The following NRG3 variants were observed in gnomAD, a reference collection of about 807,000 sequenced individuals.
NRG3 encodes neuregulin 3.
In NRG3, 31 loss-of-function variants were observed where a neutral mutation model predicts 66.9. The observed-to-expected ratio is 0.46, with a 90% confidence interval of 0.35 to 0.63. NRG3 has a LOEUF of 0.63. Ranked by LOEUF, NRG3 falls within the 20% of genes least tolerant of loss-of-function variation. The pLI is 0.00. For synonymous variants in NRG3, 393 were observed against 359.4 expected (o/e 1.09, Z -1.06); for missense variants, 910 against 878.9 (o/e 1.04, Z -0.45).
chr10:82,966,715 C>T (rs1851241615), intron 6 of NRG3, among the ~76,000 whole-genome samples: 1 of 152,128 alleles, frequency 6.6e-6, no homozygotes, highest in African/African-American at 2.4e-5. Flanking sequence ...GGGGTTGTCT[C>T]TTCTCTCCCA....
At chr10:82,273,277 C>A (rs2078691140) in intron 1 of NRG3, among the ~76,000 whole-genome samples, 1 of 151,938 alleles carries the variant, frequency 6.6e-6, no homozygotes, top group Non-Finnish European at 1.5e-5. Flanking sequence ...TCACATTGAG[C>A]ACATTCGCTG....
intron 2 of NRG3, among the ~76,000 whole-genome samples, chr10:82,380,663 A>G (rs946494981): frequency 1.3e-5 from 2 of 152,194 alleles, no homozygotes; most frequent in African/African-American, 4.8e-5. Flanking sequence ...AATTATCTTC[A>G]TATACCTATT....
At chr10:81,980,284 C>T (rs1335058357) in intron 1 of NRG3, among the ~76,000 whole-genome samples, 1 of 151,770 alleles carries the variant, frequency 6.6e-6, no homozygotes, top group East Asian at 1.9e-4. Flanking sequence ...TTTATTCTGC[C>T]AATTATTACA....
chr10:82,376,734 T>A (rs1170353346), intron 2 of NRG3, among the ~76,000 whole-genome samples: 1 of 152,180 alleles, frequency 6.6e-6, no homozygotes, highest in African/African-American at 2.4e-5. Flanking sequence ...CATACCCATG[T>A]TTAGTAAGGT....
In NRG3 at chr10:82,957,760, T is replaced by C. The variant is rs140480947; in HGVS notation, c.1158-1189T>C. ...CTCAAATCAGTTGTGTACCTAACGT[T>C]TCCTGTCTTCCTAGTGATAAAACAT... On this transcript the variant is annotated intron_variant, in intron 5 of 8. Transcript: ENST00000372141. Among the ~76,000 whole-genome samples, 417 of 152,244 alleles carry C rather than the reference T, an allele frequency of 2.7e-3. 11 individuals are homozygous for C. The highest frequency in any genetic ancestry group is 9.3e-3 in the African/African-American group (388 of 41,506).
intron 1 of NRG3, among the ~76,000 whole-genome samples, chr10:82,126,645 C>T (rs377223440): frequency 6.6e-6 from 1 of 151,958 alleles, no homozygotes; most frequent in Non-Finnish European, 1.5e-5. Flanking sequence ...CTCCTTTGGC[C>T]GCTTCTTTGA....
intron 2 of NRG3, among the ~76,000 whole-genome samples, chr10:82,554,531 G>T (rs1284514069): frequency 6.6e-6 from 1 of 152,160 alleles, no homozygotes; most frequent in Non-Finnish European, 1.5e-5. Context: ...CAAGGAGCCT[G>T]TTCTCACTAA....
intron 2 of NRG3, among the ~76,000 whole-genome samples, chr10:82,599,482 T>C (rs887267911): frequency 2.0e-5 from 3 of 152,092 alleles, no homozygotes; most frequent in African/African-American, 7.2e-5. Flanking sequence ...ACAAAGGCAG[T>C]AGACATAAAT....
At chr10:82,679,967 A>G (rs1419856044) in intron 2 of NRG3, among the ~76,000 whole-genome samples, 1 of 152,216 alleles carries the variant, frequency 6.6e-6, no homozygotes, top group Non-Finnish European at 1.5e-5. Context: ...CTATTTTGAT[A>G]TGATCATATA....
At chr10:82,233,891 C>G (rs1266088277) in intron 1 of NRG3, among the ~76,000 whole-genome samples, 1 of 152,032 alleles carries the variant, frequency 6.6e-6, no homozygotes, top group Non-Finnish European at 1.5e-5. Context: ...ATCTCAAATT[C>G]AGCAACTTCC....
rs115987509 is a variant in NRG3 at position 82,550,869 on chromosome 10, A to G, written c.954-187708A>G. 4.2e-3 allele frequency among the ~76,000 whole-genome samples: 644 copies of G among 152,264 alleles called. 10 individuals carry two copies. The highest frequency in any genetic ancestry group is 0.015 in the African/African-American group (618 of 41,542). On this transcript the variant is annotated intron_variant, in intron 2 of 8. Transcript: ENST00000372141. ...ACCTACGCCCAACTTCTTCACTCAT[A>G]TGCTGCAGAAATACAGAAGAAATGT...
intron 3 of NRG3, among the ~76,000 whole-genome samples, chr10:82,858,521 G>T (rs2063934275): frequency 6.6e-6 from 1 of 152,162 alleles, no homozygotes; most frequent in Admixed American, 6.5e-5. Context: ...GAGCTCAGGT[G>T]TTATGGTTAG....
At chr10:82,473,809 G>T (rs557147705) in intron 2 of NRG3, among the ~76,000 whole-genome samples, 1 of 152,074 alleles carries the variant, frequency 6.6e-6, no homozygotes, top group Non-Finnish European at 1.5e-5. Context: ...AGATTTGACC[G>T]CAGTCTGAAG....
Position 82,034,139 on chromosome 10 carries a change from A to G in NRG3, c.823+157976A>G, listed in dbSNP as rs188739776. ...TGTAATCTTTGCAGGTTCTTTGTAC[A>G]TGTTAGGAAATAAACCTTTATTAGT... is the stretch of plus-strand genomic sequence containing the variant. On this transcript the variant is annotated intron_variant, in intron 1 of 8. Coordinates refer to ENST00000372141, the MANE Select transcript of NRG3 (RefSeq NM_001010848.4). Among the ~76,000 whole-genome samples, 87 of 152,232 alleles carry G rather than the reference A, an allele frequency of 5.7e-4. 2 individuals are homozygous for G. Among genetic ancestry groups the G allele is most frequent in the Middle Eastern group, 6.8e-3 (2 of 294 alleles).
rs1842548094 is a variant in NRG3, at chr10:82,884,283, T to C, written c.1054+18846T>C. 2.0e-5 allele frequency among the ~76,000 whole-genome samples: 3 copies of C among 152,260 alleles called. No homozygotes were observed. In the South Asian group the frequency reaches 6.2e-4, roughly 32 times the overall value. ...TCTTTTAGCAACTTCTACTTATATA[T>C]TTATGATGATTTACTTAATTGAGAT... On this transcript the variant is annotated intron_variant, in intron 4 of 8. Transcript: ENST00000372141.
At chr10:81,926,273 A>G (rs1846771091) in intron 1 of NRG3, among the ~76,000 whole-genome samples, 1 of 152,006 alleles carries the variant, frequency 6.6e-6, no homozygotes, top group Admixed American at 6.6e-5. Context: ...ACCCGCAACC[A>G]TAGCCAGATA....
At chr10:82,084,848 C>G (rs2065626849) in intron 1 of NRG3, among the ~76,000 whole-genome samples, 1 of 152,096 alleles carries the variant, frequency 6.6e-6, no homozygotes, top group African/African-American at 2.4e-5. Context: ...TGAGTGGGGT[C>G]CCTGCCCAGT....
chr10:82,278,281 CAGG>C (rs1385405061), intron 1 of NRG3, among the ~76,000 whole-genome samples: 1 of 151,948 alleles, frequency 6.6e-6, no homozygotes, highest in Non-Finnish European at 1.5e-5. Context: ...AAGCTAAGAC[CAGG>C]AGAAGGTGCG....
intron 2 of NRG3, among the ~76,000 whole-genome samples, chr10:82,610,402 CAATTT>C: frequency 6.6e-6 from 1 of 152,096 alleles, no homozygotes; most frequent in South Asian, 2.1e-4. Context: ...TAATGTCCCT[CAATTT>C]TAGGATGTTT....
Sources: gnomAD v4.1 joint callset for allele counts (sites outside exome capture counted in the v4.1 genomes callset) on GRCh38, gnomAD v4.1.1 for gene constraint, MANE v1.5 for transcripts, NCBI Gene and HGNC (gene_info 2026-07-23, HGNC 2026-07-21) for gene names.